Variants in NRG1 observed in about 807,000 individuals in gnomAD.
The protein encoded by NRG1 is pro-neuregulin-1, membrane-bound isoform.
NRG1 carries 18 observed loss-of-function variants against 63.8 expected under a neutral mutation model. That is an observed-to-expected ratio of 0.28 (90% CI 0.19 to 0.42). The LOEUF is 0.42. NRG1 is among the 10% of genes least tolerant of loss of function. NRG1 has a pLI of 1.00. For missense variants in NRG1, 762 were observed against 814.7 expected (o/e 0.94, Z 0.79); for synonymous variants, 302 against 301.3 (o/e 1.00, Z -0.02).
chr8:32,327,529 G>A (rs1802152696), intron 1 of NRG1, among the ~76,000 whole-genome samples: 1 of 152,204 alleles, frequency 6.6e-6, no homozygotes. Flanking sequence ...AATTACAAAA[G>A]ATGACTAGGT....
chr8:32,127,759 CA>C (rs1368880702), intron 1 of NRG1, among the ~76,000 whole-genome samples: 1 of 151,668 alleles, frequency 6.6e-6, no homozygotes, highest in African/African-American at 2.4e-5. Context: ...GAGCTAACAA[CA>C]TTATCAGTGG....
chr8:31,929,434 T>C (rs574644656), intron 1 of NRG1, among the ~76,000 whole-genome samples: 9 of 152,090 alleles, frequency 5.9e-5, no homozygotes, highest in African/African-American at 1.9e-4. Context: ...ACTTAAATTG[T>C]ATACATTTTA....
intron 1 of NRG1, among the ~76,000 whole-genome samples, chr8:32,524,313 A>G (rs1388595667): frequency 6.6e-6 from 1 of 151,928 alleles, no homozygotes; most frequent in East Asian, 1.9e-4. Context: ...TATCCTCCCT[A>G]GTTGCTAAGC....
intron 1 of NRG1, among the ~76,000 whole-genome samples, chr8:32,040,703 A>C (rs1445557444): frequency 8.7e-5 from 4 of 45,822 alleles, no homozygotes; most frequent in Admixed American, 3.5e-4. Flanking sequence ...TTAGTTCTGA[A>C]ATTTAGGCAT....
At chr8:32,303,288 T>C (rs2129475361) in intron 1 of NRG1, among the ~76,000 whole-genome samples, 1 of 149,498 alleles carries the variant, frequency 6.7e-6, no homozygotes. Flanking sequence ...TATAATGAAC[T>C]AACATTCAGA....
intron 5 of NRG1, among the ~76,000 whole-genome samples, chr8:32,719,442 A>G (rs1227987625): frequency 6.6e-6 from 1 of 152,028 alleles, no homozygotes; most frequent in Non-Finnish European, 1.5e-5. Context: ...CAAATCCCAG[A>G]CATCTTATCA....
intron 1 of NRG1, among the ~76,000 whole-genome samples, chr8:32,109,535 C>T (rs934831830): frequency 6.6e-6 from 1 of 152,104 alleles, no homozygotes; most frequent in Non-Finnish European, 1.5e-5. Context: ...TGTTGCACTG[C>T]ATAATGAATT....
At chr8:32,474,135 A>T (rs1824188530) in intron 1 of NRG1, among the ~76,000 whole-genome samples, 1 of 152,232 alleles carries the variant, frequency 6.6e-6, no homozygotes, top group African/African-American at 2.4e-5. Flanking sequence ...CACTCATATA[A>T]ATTTTGATGA....
chr8:31,684,317 A>G (rs1398933693), intron 1 of NRG1, among the ~76,000 whole-genome samples: 2 of 152,134 alleles, frequency 1.3e-5, no homozygotes, highest in Non-Finnish European at 2.9e-5. Flanking sequence ...CATGAATGGG[A>G]CTAGCACCTT....
At chr8:31,794,965 G>A (rs1179416582) in intron 1 of NRG1, among the ~76,000 whole-genome samples, 1 of 152,068 alleles carries the variant, frequency 6.6e-6, no homozygotes. Flanking sequence ...ACCACAGGCA[G>A]CTAATTTTTG....
intron 1 of NRG1, among the ~76,000 whole-genome samples, chr8:32,011,479 T>A (rs1033475805): frequency 3.9e-5 from 6 of 152,090 alleles, no homozygotes; most frequent in Admixed American, 2.6e-4. Context: ...ACAGTACAGA[T>A]CTAAAATCCC....
chr8:31,676,214 G>A (rs1021332843), intron 1 of NRG1, among the ~76,000 whole-genome samples: 25 of 152,086 alleles, frequency 1.6e-4, no homozygotes, highest in African/African-American at 5.6e-4. Flanking sequence ...CCTTTTGCCC[G>A]TAAGTTTATA....
At chr8:32,273,986 T>C (rs924320832) in intron 1 of NRG1, among the ~76,000 whole-genome samples, 5 of 152,232 alleles carry the variant, frequency 3.3e-5, no homozygotes, top group South Asian at 2.1e-4. Flanking sequence ...GAGGAGTTAA[T>C]GTCTTTACGT....
intron 1 of NRG1, among the ~76,000 whole-genome samples, chr8:31,856,520 G>T (rs2129609805): frequency 6.6e-6 from 1 of 152,190 alleles, no homozygotes; most frequent in African/African-American, 2.4e-5. Context: ...TCTTCTAAAT[G>T]TTTTTCAATG....
chr8:31,993,971 A>G (rs1474489825), intron 1 of NRG1, among the ~76,000 whole-genome samples: 3 of 151,990 alleles, frequency 2.0e-5, no homozygotes, highest in Non-Finnish European at 2.9e-5. Context: ...CCAAACATAG[A>G]GTTTCCAATT....
At chr8:32,318,993 A>G (rs974361929) in intron 1 of NRG1, among the ~76,000 whole-genome samples, 2 of 152,120 alleles carry the variant, frequency 1.3e-5, no homozygotes, top group African/African-American at 4.8e-5. Flanking sequence ...CCCAGATAGG[A>G]GTGACTGTGC....
At chr8:32,498,768 G>C (rs577016376) in intron 1 of NRG1, among the ~76,000 whole-genome samples, 1 of 152,196 alleles carries the variant, frequency 6.6e-6, no homozygotes, top group African/African-American at 2.4e-5. Context: ...TTATAACATG[G>C]GTCACTTTTT....
chr8:32,347,071 C>T (rs1001854435), intron 1 of NRG1, among the ~76,000 whole-genome samples: 9 of 152,036 alleles, frequency 5.9e-5, no homozygotes, highest in South Asian at 2.1e-4. Flanking sequence ...CCTCGTGATC[C>T]GCCCGCCTCA....
intron 1 of NRG1, among the ~76,000 whole-genome samples, chr8:32,497,108 T>G (rs2129495750): frequency 6.6e-6 from 1 of 152,260 alleles, no homozygotes; most frequent in African/African-American, 2.4e-5. Context: ...TTGTTGGGGT[T>G]AAATGAGATA....
Sources: allele counts gnomAD v4.1 joint callset (sites outside exome capture counted in the v4.1 genomes callset), GRCh38; gene constraint gnomAD v4.1.1; transcripts MANE v1.5; gene names NCBI Gene and HGNC (gene_info 2026-07-23, HGNC 2026-07-21).